Variants in BCR observed in about 807,000 individuals in gnomAD.
BCR encodes the protein BCR activator of RhoGEF and GTPase.
In BCR, 58 loss-of-function variants were observed where a neutral mutation model predicts 138.6. That is an observed-to-expected ratio of 0.42 (90% CI 0.34 to 0.52). The LOEUF is 0.52. Ranked by LOEUF, BCR falls within the 20% of genes least tolerant of loss-of-function variation. The probability of loss-of-function intolerance (pLI) is 0.06; values close to 1 mark genes in which losing one functional copy is unlikely to be tolerated. For missense variants in BCR, 1,599 were observed against 1,727.2 expected, an observed-to-expected ratio of 0.93 and a Z score of 1.32; for synonymous variants, 786 against 730.1, an observed-to-expected ratio of 1.08 and a Z score of -1.23.
intron 8 of BCR, among the ~76,000 whole-genome samples, chr22:23,282,325 C>G (rs1029083340): frequency 6.6e-6 from 1 of 152,246 alleles, no homozygotes; most frequent in Non-Finnish European, 1.5e-5. Flanking sequence ...CTGCCCTCGG[C>G]AGGCGGGGTG....
intron 1 of BCR, among the ~76,000 whole-genome samples, chr22:23,229,407 A>C (rs1187980729): frequency 8.6e-5 from 13 of 151,920 alleles, no homozygotes; most frequent in Non-Finnish European, 2.9e-5. Context: ...CTGTCAAGTA[A>C]TTTTGGGTTA....
chr22:23,274,338 C>T (rs1017571010), intron 8 of BCR, among the ~76,000 whole-genome samples: 11 of 152,252 alleles, frequency 7.2e-5, no homozygotes, highest in Admixed American at 7.2e-4. Context: ...TGCACATCAT[C>T]GATGAGCAGG....
intron 16 of BCR, among the ~76,000 whole-genome samples, chr22:23,296,373 CAAAAA>C (rs996139532): frequency 5.3e-5 from 3 of 56,690 alleles, no homozygotes; most frequent in South Asian, 6.1e-4. Context: ...GAGTCCGTCT[CAAAAA>C]AAAAAAAAAA....
intron 1 of BCR, among the ~76,000 whole-genome samples, chr22:23,185,269 C>G (rs2072324470): frequency 6.6e-6 from 1 of 152,232 alleles, no homozygotes; most frequent in Admixed American, 6.5e-5. Context: ...ACACTGCTAC[C>G]TGCAAAGCAC....
chr22:23,298,626 C>T (rs529869994), intron 16 of BCR, among the ~76,000 whole-genome samples: 1 of 152,008 alleles, frequency 6.6e-6, no homozygotes, highest in Non-Finnish European at 1.5e-5. Flanking sequence ...TTCGGAGTCT[C>T]ACTGTCTTGC....
At chr22:23,271,690 G>T in intron 6 of BCR, 98 bp downstream of exon 6, 2 of 1,217,314 alleles carry the variant, frequency 1.6e-6, no homozygotes, top group Non-Finnish European at 2.4e-6. Flanking sequence ...GCCCACTTGG[G>T]TCATCCCTTG....
rs765207801 is a variant in BCR, at chr22:23,181,007, C to G, written c.47C>G (p.Pro16Arg). 1.0e-5 allele frequency: 15 copies of G among 1,481,126 alleles called. No individual in the cohort carries two copies. Among genetic ancestry groups the G allele is most frequent in the Non-Finnish European group, 1.4e-5 (15 of 1,105,398 alleles). 91.7% of individuals were successfully genotyped at this position (1,481,126 alleles called of 1,614,324 possible). A position where few individuals can be genotyped will look rare whatever the true frequency, so the allele number is the denominator to read the frequency against. ...GCGGAGGCGTGGAAGGCGCAGTTCC[C>G]GGACTCAGAGCCCCCGCGCATGGAG... ...GFAEAWKAQF[P>R]DSEPPRMELR... The change falls in exon 1 of 23, where the codon CCG (proline) becomes CGG (arginine). Residue 16 changes from proline to arginine, a missense_variant. Physicochemically the swap from Pro to Arg is moderately radical, Grantham distance 103 (BLOSUM62 -2). Around this residue, in one of 4 missense-constraint regions of BCR, gnomAD observed 806 missense variants for 635.0 expected, o/e 1.27. Transcript: ENST00000305877.
intron 1 of BCR, among the ~76,000 whole-genome samples, chr22:23,244,774 C>T (rs550207397): frequency 1.3e-5 from 2 of 152,320 alleles, no homozygotes; most frequent in African/African-American, 4.8e-5. Flanking sequence ...AGCCCAGGTG[C>T]TGCTGAGGAA....
intron 1 of BCR, among the ~76,000 whole-genome samples, chr22:23,204,754 C>T (rs555377528): frequency 2.0e-5 from 3 of 152,314 alleles, no homozygotes; most frequent in African/African-American, 7.2e-5. Context: ...TCTGGGGCAA[C>T]GTGCCAAAGT....
intron 1 of BCR, among the ~76,000 whole-genome samples, chr22:23,200,787 T>G (rs913534432): frequency 2.0e-5 from 3 of 152,140 alleles, no homozygotes; most frequent in African/African-American, 7.2e-5. Flanking sequence ...CTCAAACTCC[T>G]GGGCTCAAGC....
chr22:23,214,298 A>C (rs1028150013), intron 1 of BCR, among the ~76,000 whole-genome samples: 1 of 152,062 alleles, frequency 6.6e-6, no homozygotes, highest in East Asian at 1.9e-4. Context: ...TTTCTCAGCA[A>C]TAATTGTTTT....
chr22:23,226,395 A>G (rs887393141), intron 1 of BCR, among the ~76,000 whole-genome samples: 1 of 151,864 alleles, frequency 6.6e-6, no homozygotes, highest in Non-Finnish European at 1.5e-5. Context: ...AAGAGAGCAA[A>G]GGATCTTCTT....
intron 1 of BCR, among the ~76,000 whole-genome samples, chr22:23,247,460 G>A (rs1321582873): frequency 2.6e-5 from 4 of 152,082 alleles, no homozygotes; most frequent in African/African-American, 4.8e-5. Context: ...CATGTTGATC[G>A]GAGGGCCCTT....
intron 1 of BCR, among the ~76,000 whole-genome samples, chr22:23,214,736 G>A (rs574956155): frequency 2.5e-4 from 38 of 152,326 alleles, no homozygotes; most frequent in South Asian, 2.1e-4. Context: ...GTTTGTGAGC[G>A]TGCATTGTCC....
At chr22:23,229,098 G>A (rs908660694) in intron 1 of BCR, among the ~76,000 whole-genome samples, 1 of 151,954 alleles carries the variant, frequency 6.6e-6, no homozygotes, top group South Asian at 2.1e-4. Context: ...AATTTCTATT[G>A]ATCTATCTTT....
In BCR at chr22:23,276,087, G is replaced by C. The variant is rs368445004; in HGVS notation, c.2115+2313G>C. Among the ~76,000 whole-genome samples the C allele has an allele frequency of 3.9e-5, 6 of 152,244 alleles. No homozygotes were observed. In the South Asian group the frequency reaches 1.2e-3, roughly 32 times the overall value. ...ATGGTCATGTCTCGGGGCCACCAAG[G>C]AGGAAGTGTAATTTAAGAAGGGCTG... On this transcript the variant is annotated intron_variant, in intron 8 of 22. Coordinates refer to ENST00000305877, the MANE Select transcript of BCR (RefSeq NM_004327.4).
chr22:23,200,620 C>T lies in BCR; in HGVS notation c.1279+18381C>T, dbSNP rs150124640. Among the ~76,000 whole-genome samples, 1,047 of 152,204 alleles carry T rather than the reference C, an allele frequency of 6.9e-3. 7 individuals carry two copies. The highest frequency in any genetic ancestry group is 9.2e-3 in the Non-Finnish European group (627 of 68,008). On this transcript the variant is annotated intron_variant, in intron 1 of 22. Coordinates refer to ENST00000305877, the MANE Select transcript of BCR (RefSeq NM_004327.4). ...TCGCCCAGGCTGGAGTGCAGTGGTG[C>T]GATCATGGCTCACCGCAGCCTTGAC...
chr22:23,276,513 G>A (rs1293396947), intron 8 of BCR, among the ~76,000 whole-genome samples: 1 of 152,230 alleles, frequency 6.6e-6, no homozygotes, highest in Non-Finnish European at 1.5e-5. Context: ...TTGAGGAGGG[G>A]TCACCTGGGT....
chr22:23,263,546 G>A (rs1399431351), intron 4 of BCR: 2 of 1,575,626 alleles, frequency 1.3e-6, no homozygotes, highest in East Asian at 2.2e-5. Context: ...TGGCCTACCA[G>A]TTCCGTCCAG....
Sources: gnomAD v4.1 joint callset for allele counts (sites outside exome capture counted in the v4.1 genomes callset) on GRCh38, gnomAD v4.1.1 for gene constraint, gnomAD v4.1.1 regional missense constraint, MANE v1.5 for transcripts, NCBI Gene and HGNC (gene_info 2026-07-23, HGNC 2026-07-21) for gene names.